OR2B11: variants seen among roughly 807,000 people sequenced by gnomAD.
OR2B11 encodes olfactory receptor family 2 subfamily B member 11.
For synonymous variants in OR2B11, 198 were observed against 174.5 expected (o/e 1.13, Z -1.06); for missense variants, 422 against 400.0 (o/e 1.05, Z -0.47).
Position 247,450,538 on chromosome 1 carries a change from T to A in OR2B11, c.*491A>T, listed in dbSNP as rs890548825. ...AATGTGAACTACAGAGAAAAAAAAA[T>A]CAAAATCACAGGAAGAAGATAGCAA... is the stretch of plus-strand genomic sequence containing the variant. On this transcript the variant is annotated 3_prime_UTR_variant, in exon 2 of 2. Transcript: ENST00000641149. 2.0e-5 allele frequency: 3 copies of A among 152,236 alleles called. No individual in the cohort carries two copies. The highest frequency in any genetic ancestry group is 2.1e-4 in the South Asian group (1 of 4,822). 9.4% of individuals were successfully genotyped at this position (152,236 alleles called of 1,614,324 possible).
rs1322233830 is a variant in OR2B11, at chr1:247,452,829, A to T, written c.-847T>A. 1 of 152,256 alleles carries T rather than the reference A, an allele frequency of 6.6e-6. No homozygotes were observed. The allele number at this position is 152,256 out of a possible 1,614,324, so 9.4% of individuals were successfully genotyped here. A position where few individuals can be genotyped will look rare whatever the true frequency, so the allele number is the denominator to read the frequency against. On this transcript the variant is annotated 5_prime_UTR_variant, in exon 2 of 2. Coordinates refer to ENST00000641149, the MANE Select transcript of OR2B11 (RefSeq NM_001004492.2). ...CCCTGGAATTGTCTACGGAAAGATC[A>T]GACTGCCCTCTAGGGCTAGGTTTTA...
rs941740723 is a variant in OR2B11, at chr1:247,457,659, A to G, written c.-3103T>C. 6.6e-6 allele frequency: 1 copy of G among 152,086 alleles called. No individual in the cohort carries two copies. Among genetic ancestry groups the G allele is most frequent in the Non-Finnish European group, 1.5e-5 (1 of 68,066 alleles). The allele number at this position is 152,086 out of a possible 1,614,324, so 9.4% of individuals were successfully genotyped here. ...CTCACCTCCAGGGTTCCTGGCTCCT[A>G]CAGAAGACTTGCTTTAGGACTGAAG... is the stretch of plus-strand genomic sequence containing the variant. On this transcript the variant is annotated 5_prime_UTR_variant, in exon 1 of 2. It removes the in-frame stop codon of an upstream open reading frame in the 5' UTR. Coordinates refer to ENST00000641149, the MANE Select transcript of OR2B11 (RefSeq NM_001004492.2).
At position 247,452,770 on chromosome 1, in the gene OR2B11, G is replaced by A. The variant is rs1043638756; in HGVS notation, c.-788C>T. ...CCAGACCATGGAATTTTGAGCACAG[G>A]GAGAAAGCTCTTGATTGGCGTGAGA... On this transcript the variant is annotated 5_prime_UTR_variant, in exon 2 of 2. Coordinates refer to ENST00000641149, the MANE Select transcript of OR2B11 (RefSeq NM_001004492.2). The A allele has an allele frequency of 4.6e-5, 7 of 152,326 alleles. No individual in the cohort carries two copies. The highest frequency in any genetic ancestry group is 5.9e-5 in the Non-Finnish European group (4 of 68,064). 9.4% of individuals were successfully genotyped at this position (152,326 alleles called of 1,614,324 possible). A position where few individuals can be genotyped will look rare whatever the true frequency, so the allele number is the denominator to read the frequency against.
At position 247,451,190 on chromosome 1, in the gene OR2B11, G is replaced by T; in HGVS notation, c.793C>A (p.Gln265Lys). The T allele has an allele frequency of 6.4e-7, 1 of 1,570,864 alleles. No homozygotes were observed. The highest frequency in any genetic ancestry group is 8.6e-7 in the Non-Finnish European group (1 of 1,156,226). ...TCTTGGGAGTAGCTGGAAGGGGGCTGCAGATACATGTAAATCGCAGGTAGG... is the reference window on the plus strand; with the variant it reads ...TCTTGGGAGTAGCTGGAAGGGGGCTTCAGATACATGTAAATCGCAGGTAGG... Reference protein sequence around the residue: ...FYLPAIYMYLQPPSSYSQEQG... With the variant: ...FYLPAIYMYLKPPSSYSQEQG... Residue 265 changes from glutamine to lysine, a missense_variant, in exon 2 of 2, where the codon CAG becomes AAG. Coordinates refer to ENST00000641149, the MANE Select transcript of OR2B11 (RefSeq NM_001004492.2).
At position 247,457,714 on chromosome 1, in the gene OR2B11, C is replaced by G. The variant is rs565256293; in HGVS notation, c.-3158G>C. On this transcript the variant is annotated 5_prime_UTR_variant, in exon 1 of 2. Transcript: ENST00000641149. The stretch of plus-strand genomic sequence containing the variant: ...TATTGCAGTCTGTGTTGGCCTTAGT[C>G]GCGGAGGGACATTTAAGGATGGACT... 1 of 152,294 alleles carries G rather than the reference C, an allele frequency of 6.6e-6. No individual in the cohort carries two copies. The highest frequency in any genetic ancestry group is 2.1e-4 in the South Asian group (1 of 4,826). 9.4% of individuals were successfully genotyped at this position (152,294 alleles called of 1,614,324 possible). A position where few individuals can be genotyped will look rare whatever the true frequency, so the allele number is the denominator to read the frequency against.
chr1:247,454,373 G>A lies in OR2B11; in HGVS notation c.-2391C>T, dbSNP rs1366148569. ...TTCATCTTCCCACTACCCAAGTACAGGTGCCCCCTCAAGGCACAGCCTTGC... is the reference window on the plus strand; with the variant it reads ...TTCATCTTCCCACTACCCAAGTACAAGTGCCCCCTCAAGGCACAGCCTTGC... On this transcript the variant is annotated 5_prime_UTR_variant, in exon 2 of 2. Coordinates refer to ENST00000641149, the MANE Select transcript of OR2B11 (RefSeq NM_001004492.2). 1 of 152,412 alleles carries A rather than the reference G, an allele frequency of 6.6e-6. No individual in the cohort carries two copies. The highest frequency in any genetic ancestry group is 1.5e-5 in the Non-Finnish European group (1 of 68,178). The allele number at this position is 152,412 out of a possible 1,614,324, so 9.4% of individuals were successfully genotyped here. A position where few individuals can be genotyped will look rare whatever the true frequency, so the allele number is the denominator to read the frequency against.
Position 247,451,020 on chromosome 1 carries a change from A to G in OR2B11, c.*9T>C. ...TTAATTGATGGAGATGCTACATCTC[A>G]TGTCCTCATCATCCACAGAGCCTCC... On this transcript the variant is annotated 3_prime_UTR_variant, in exon 2 of 2. Transcript: ENST00000641149. 2 of 1,434,234 alleles carry G rather than the reference A, an allele frequency of 1.4e-6. No individual in the cohort carries two copies. The highest frequency in any genetic ancestry group is 1.9e-6 in the Non-Finnish European group (2 of 1,068,316). The allele number at this position is 1,434,234 out of a possible 1,614,324, so 88.8% of individuals were successfully genotyped here.
In OR2B11 at chr1:247,451,287, G is replaced by A; in HGVS notation, c.696C>T (p.Ile232=). Residue 232 remains isoleucine (I), a synonymous_variant, in exon 2 of 2, where the codon ATC becomes ATT. Coordinates refer to ENST00000641149, the MANE Select transcript of OR2B11 (RefSeq NM_001004492.2). The part of the protein sequence containing the change: ...YGFIARAVLR[I]QSSKGRHKAF... Reference sequence around the variant, plus strand: ...CCTTGTGTCGTCCCTTGGAGGACTGGATCCTGAGCACTGCCCGGGCAATAA... The same window carrying A: ...CCTTGTGTCGTCCCTTGGAGGACTGAATCCTGAGCACTGCCCGGGCAATAA... The A allele has an allele frequency of 6.2e-7, 1 of 1,614,134 alleles. No homozygotes were observed.
chr1:247,455,050 G>GATATATATC lies in OR2B11; in HGVS notation c.-3077_-3069dup, dbSNP rs1454288317. ...ACACGCAGGCTGTGATACACCCTTAGATATATATCATTCCCTGTAGGATAT... is the reference window on the plus strand; with the variant it reads ...ACACGCAGGCTGTGATACACCCTTAGATATATATCATATATATCATTCCCTGTAGGATAT... On this transcript the variant is annotated 5_prime_UTR_variant, in exon 2 of 2. It adds an upstream start codon to the 5' untranslated region. Transcript: ENST00000641149. The GATATATATC allele has an allele frequency of 6.6e-6, 1 of 152,120 alleles. No homozygotes were observed. The highest frequency in any genetic ancestry group is 1.5e-5 in the Non-Finnish European group (1 of 68,034). The allele number at this position is 152,120 out of a possible 1,614,324, so 9.4% of individuals were successfully genotyped here. A position where few individuals can be genotyped will look rare whatever the true frequency, so the allele number is the denominator to read the frequency against.
intron 1 of OR2B11, among the ~76,000 whole-genome samples, chr1:247,455,337 C>T (rs75136967): frequency 0.033 from 5,023 of 152,236 alleles, 259 homozygotes; most frequent in African/African-American, 0.11. Context: ...ATGCAGCCTC[C>T]CATCCCACAA....
Position 247,451,048 on chromosome 1 carries a change from A to G in OR2B11, c.935T>C (p.Ile312Thr), listed in dbSNP as rs746386655. 1 of 1,500,422 alleles carries G rather than the reference A, an allele frequency of 6.7e-7. No homozygotes were observed. The highest frequency in any genetic ancestry group is 2.3e-5 in the Admixed American group (1 of 43,294). 92.9% of individuals were successfully genotyped at this position (1,500,422 alleles called of 1,614,324 possible). A position where few individuals can be genotyped will look rare whatever the true frequency, so the allele number is the denominator to read the frequency against. The change falls in exon 2 of 2, where the codon ATC (isoleucine) becomes ACC (threonine). Residue 312 changes from isoleucine (I) to threonine (T), a missense_variant. Coordinates refer to ENST00000641149, the MANE Select transcript of OR2B11 (RefSeq NM_001004492.2). ...TCCTCATCATCCACAGAGCCTCCAG[A>G]TCCTGGCCAGAAGTCTCCTCAGAGC... ...KGALRRLLAR[I>T]WRLCG
rs1664998344 is a variant in OR2B11 at position 247,458,083 on chromosome 1, GATTTAACTTGACCTC to G, written c.-3542_-3528del. On this transcript the variant is annotated 5_prime_UTR_variant, in exon 1 of 2. It removes an upstream start codon present in the reference 5' UTR. Coordinates refer to ENST00000641149, the MANE Select transcript of OR2B11 (RefSeq NM_001004492.2). ...CTGTTCATTTCAAAATTATCCCTCA[GATTTAACTTGACCTC>G]ATTCTCTCCACTGTTTTCTATAAGG... 1 of 152,162 alleles carries G rather than the reference GATTTAACTTGACCTC, an allele frequency of 6.6e-6. No homozygotes were observed. Among genetic ancestry groups the G allele is most frequent in the Non-Finnish European group, 1.5e-5 (1 of 68,062 alleles). 9.4% of individuals were successfully genotyped at this position (152,162 alleles called of 1,614,324 possible). A position where few individuals can be genotyped will look rare whatever the true frequency, so the allele number is the denominator to read the frequency against.
At chr1:247,456,426 C>T (rs1043406278) in intron 1 of OR2B11, among the ~76,000 whole-genome samples, 2 of 152,186 alleles carry the variant, frequency 1.3e-5, no homozygotes, top group African/African-American at 2.4e-5. Context: ...GGATTACAGG[C>T]GTGAGCCACC....
rs12406394 is a variant in OR2B11 at position 247,452,879 on chromosome 1, A to T, written c.-897T>A. On this transcript the variant is annotated 5_prime_UTR_variant, in exon 2 of 2. It adds an upstream start codon to the 5' untranslated region. Transcript: ENST00000641149. The stretch of plus-strand genomic sequence containing the variant: ...ATCTGATGGCTTGAGTGACATTCCA[A>T]TTTCCTGCACAATTTCTTTGCCGAG... 0.079 allele frequency: 12,074 copies of T among 152,184 alleles called. 583 individuals are homozygous for T. Among genetic ancestry groups the T allele is most frequent in the Middle Eastern group, 0.14 (41 of 294 alleles). The allele number at this position is 152,184 out of a possible 1,614,324, so 9.4% of individuals were successfully genotyped here. A position where few individuals can be genotyped will look rare whatever the true frequency, so the allele number is the denominator to read the frequency against.
rs2103265668 is a variant in OR2B11 at position 247,451,168 on chromosome 1, T to A, written c.815A>T (p.Gln272Leu). 1.9e-6 allele frequency: 3 copies of A among 1,551,144 alleles called. No homozygotes were observed. In the East Asian group the frequency reaches 6.8e-5, roughly 35 times the overall value. Reference protein sequence around the residue: ...MYLQPPSSYSQEQGKFISLFY... With the variant: ...MYLQPPSSYSLEQGKFISLFY... The stretch of plus-strand genomic sequence containing the variant: ...GAGAGAAATAAATTTGCCCTGCTCT[T>A]GGGAGTAGCTGGAAGGGGGCTGCAG... Residue 272 changes from glutamine to leucine, a missense_variant, in exon 2 of 2, where the codon CAA (glutamine) becomes CTA (leucine). Transcript: ENST00000641149.
Position 247,451,207 on chromosome 1 carries a change from G to T in OR2B11, c.776C>A (p.Ala259Glu), listed in dbSNP as rs769171531. Residue 259 changes from alanine to glutamate, a missense_variant, in exon 2 of 2, where the codon GCG (alanine) becomes GAG (glutamate). Transcript: ENST00000641149. Reference protein sequence around the residue: ...LMIVSLFYLPAIYMYLQPPSS... With the variant: ...LMIVSLFYLPEIYMYLQPPSS... ...AGGGGGCTGCAGATACATGTAAATC[G>T]CAGGTAGGTAGAAGAGGGAGACGAT... The T allele has an allele frequency of 3.2e-6, 5 of 1,584,330 alleles. No individual in the cohort carries two copies. The highest frequency in any genetic ancestry group is 4.3e-6 in the Non-Finnish European group (5 of 1,162,236).
In OR2B11 at chr1:247,454,967, A is replaced by G. The variant is rs10925034; in HGVS notation, c.-2985T>C. 0.85 allele frequency: 129,643 copies of G among 151,978 alleles called. 55,828 individuals carry two copies. Among genetic ancestry groups the G allele is most frequent in the East Asian group, 1 (5,169 of 5,180 alleles). 9.4% of individuals were successfully genotyped at this position (151,978 alleles called of 1,614,324 possible). A position where few individuals can be genotyped will look rare whatever the true frequency, so the allele number is the denominator to read the frequency against. Reference sequence around the variant, plus strand: ...TCAAGAGTTACCTGCTGATTGTATCATGTTCACGCTGAATTCCCGCAGTTT... The same window carrying G: ...TCAAGAGTTACCTGCTGATTGTATCGTGTTCACGCTGAATTCCCGCAGTTT... On this transcript the variant is annotated 5_prime_UTR_variant, in exon 2 of 2. The change abolishes an upstream ATG in the 5' untranslated region. Coordinates refer to ENST00000641149, the MANE Select transcript of OR2B11 (RefSeq NM_001004492.2).
At position 247,452,072 on chromosome 1, in the gene OR2B11, G is replaced by T; in HGVS notation, c.-90C>A. On this transcript the variant is annotated 5_prime_UTR_variant, in exon 2 of 2. Transcript: ENST00000641149. ...GGAATTGATCACTTTCCTCCCTCTT[G>T]CATCCACTCTTCCTTTCCCAGGTGA... 2 of 764,572 alleles carry T rather than the reference G, an allele frequency of 2.6e-6. No homozygotes were observed. Among genetic ancestry groups the T allele is most frequent in the Non-Finnish European group, 4.4e-6 (2 of 455,612 alleles). The allele number at this position is 764,572 out of a possible 1,614,324, so 47.4% of individuals were successfully genotyped here.
chr1:247,456,128 G>A (rs1296138290), intron 1 of OR2B11, among the ~76,000 whole-genome samples: 1 of 152,148 alleles, frequency 6.6e-6, no homozygotes, highest in Non-Finnish European at 1.5e-5. Flanking sequence ...GGAAAACTGA[G>A]AGGTTCAGAA....
Sources: allele counts gnomAD v4.1 joint callset (sites outside exome capture counted in the v4.1 genomes callset), GRCh38; gene constraint gnomAD v4.1.1; transcripts MANE v1.5; gene names NCBI Gene and HGNC (gene_info 2026-07-23, HGNC 2026-07-21).